AUTS2: variants seen among roughly 807,000 people sequenced by gnomAD.
The protein encoded by AUTS2 is autism susceptibility gene 2 protein.
In AUTS2, 17 loss-of-function variants were observed where a neutral mutation model predicts 112.4. The ratio of observed to expected loss-of-function variants is 0.15; its 90% confidence interval spans 0.10 to 0.23. The LOEUF (loss-of-function observed/expected upper bound fraction) is 0.23. Ranked by LOEUF, AUTS2 falls within the 10% of genes least tolerant of loss-of-function variation. The probability of loss-of-function intolerance (pLI) is 1.00; values close to 1 mark genes in which losing one functional copy is unlikely to be tolerated. For missense variants in AUTS2, 1,510 were observed against 1,701.6 expected, an observed-to-expected ratio of 0.89 and a Z score of 1.98; for synonymous variants, 751 against 702.7, an observed-to-expected ratio of 1.07 and a Z score of -1.09.
At position 70,117,117 on chromosome 7, in the gene AUTS2, GTTTTTT is replaced by G. The variant is rs60488343; in HGVS notation, c.523-1011_523-1006del. 3.0e-3 allele frequency among the ~76,000 whole-genome samples: 221 copies of G among 73,086 alleles called. 2 individuals carry two copies. The highest frequency in any genetic ancestry group is 0.012 in the African/African-American group (211 of 17,184). 47.9% of individuals were successfully genotyped at this position (73,086 alleles called of 152,430 possible). A position where few individuals can be genotyped will look rare whatever the true frequency, so the allele number is the denominator to read the frequency against. ...GAGATGACTTTTGTTTTTTTTTTTT[GTTTTTT>G]TTTGTTTTTTTTTGTTTTTTTTTTT... is the stretch of plus-strand genomic sequence containing the variant. On this transcript the variant is annotated intron_variant, in intron 2 of 18. Transcript: ENST00000342771.
chr7:69,942,812 T>TCAGC lies in AUTS2; in HGVS notation c.522+43317_522+43318insCCAG, dbSNP rs1562984573. On this transcript the variant is annotated intron_variant, in intron 2 of 18. Coordinates refer to ENST00000342771, the MANE Select transcript of AUTS2 (RefSeq NM_015570.4). ...GTTACGTGACTTGTGTCTAAAGCTA[T>TCAGC]CAGTCAGCTGGAGCTGTGAAAATCA... Among the ~76,000 whole-genome samples the TCAGC allele has an allele frequency of 3.3e-5, 5 of 152,374 alleles. No individual in the cohort carries two copies. The South Asian group carries it at 6.2e-4, about 19-fold the overall frequency.
intron 1 of AUTS2, among the ~76,000 whole-genome samples, chr7:69,701,393 G>C (rs754901772): frequency 2.0e-4 from 31 of 152,178 alleles, no homozygotes; most frequent in Non-Finnish European, 5.9e-5. Flanking sequence ...CATTCAGCCA[G>C]TATTTGAGTG....
At chr7:70,695,700 C>A (rs1341106882) in intron 5 of AUTS2, among the ~76,000 whole-genome samples, 1 of 145,618 alleles carries the variant, frequency 6.9e-6, no homozygotes, top group African/African-American at 2.4e-5. Context: ...TCCGCGTTCC[C>A]GCCTCCAATC....
At chr7:69,917,386 C>A (rs1271098676) in intron 2 of AUTS2, among the ~76,000 whole-genome samples, 1 of 144,808 alleles carries the variant, frequency 6.9e-6, no homozygotes, top group African/African-American at 2.8e-5. Context: ...TCCTACAAAT[C>A]TGAATTTTTT....
chr7:70,506,456 A>G (rs1244192316), intron 5 of AUTS2, among the ~76,000 whole-genome samples: 1 of 152,206 alleles, frequency 6.6e-6, no homozygotes, highest in African/African-American at 2.4e-5. Flanking sequence ...ATAATTCTAA[A>G]TCTGCAAGTG....
chr7:70,452,327 C>T (rs2131078912), intron 5 of AUTS2, among the ~76,000 whole-genome samples: 1 of 152,218 alleles, frequency 6.6e-6, no homozygotes, highest in South Asian at 2.1e-4. Flanking sequence ...GATGTGGTGG[C>T]AAGTGCCTGT....
chr7:70,705,168 T>C (rs953424531), intron 6 of AUTS2, among the ~76,000 whole-genome samples: 3 of 152,222 alleles, frequency 2.0e-5, no homozygotes, highest in Non-Finnish European at 2.9e-5. Flanking sequence ...ATATAAGAAT[T>C]CCTTCCTTTC....
chr7:70,079,677 T>G (rs1289235126), intron 2 of AUTS2, among the ~76,000 whole-genome samples: 1 of 152,140 alleles, frequency 6.6e-6, no homozygotes, highest in Non-Finnish European at 1.5e-5. Context: ...TGATGTGTTA[T>G]TGAGCCTCTT....
At chr7:70,195,355 T>C (rs1810117322) in intron 4 of AUTS2, among the ~76,000 whole-genome samples, 1 of 152,114 alleles carries the variant, frequency 6.6e-6, no homozygotes, top group South Asian at 2.1e-4. Flanking sequence ...TTAATATGAA[T>C]ACTGAATCTG....
At chr7:70,181,796 CT>C (rs35077931) in intron 4 of AUTS2, among the ~76,000 whole-genome samples, 2,731 of 110,142 alleles carry the variant, frequency 0.025, 50 homozygotes, top group African/African-American at 0.06. Flanking sequence ...GCTGAGCTAA[CT>C]TTTTTTTTTT....
At chr7:70,397,130 C>G (rs1248037406) in intron 4 of AUTS2, among the ~76,000 whole-genome samples, 5 of 151,060 alleles carry the variant, frequency 3.3e-5, no homozygotes, top group African/African-American at 1.2e-4. Context: ...ATGGCACGAT[C>G]TCGGCTCACT....
chr7:70,588,588 A>G (rs954088487), intron 5 of AUTS2, among the ~76,000 whole-genome samples: 7 of 152,194 alleles, frequency 4.6e-5, no homozygotes, highest in Non-Finnish European at 1.0e-4. Context: ...TATTAGAACA[A>G]TGGCGGAAGA....
chr7:69,710,174 G>T (rs778666243), intron 1 of AUTS2, among the ~76,000 whole-genome samples: 3 of 152,068 alleles, frequency 2.0e-5, no homozygotes, highest in Admixed American at 1.3e-4. Context: ...ATTATCTCTT[G>T]TATATACTTT....
rs118129483 is a variant in AUTS2 at position 70,392,734 on chromosome 7, T to C, written c.661-43018T>C. 2.2e-3 allele frequency among the ~76,000 whole-genome samples: 335 copies of C among 152,334 alleles called. 3 individuals are homozygous for C. In the East Asian group the frequency reaches 0.035, roughly 16 times the overall value. On this transcript the variant is annotated intron_variant, in intron 4 of 18. Coordinates refer to ENST00000342771, the MANE Select transcript of AUTS2 (RefSeq NM_015570.4). ...ACTATAGCAGGTCCTTAAGATAAGA[T>C]TCAGTTTGCCATTGGTACCGCTCTT...
At chr7:70,690,408 G>A (rs964189754) in intron 5 of AUTS2, among the ~76,000 whole-genome samples, 3 of 152,136 alleles carry the variant, frequency 2.0e-5, no homozygotes, top group East Asian at 1.9e-4. Context: ...CATCCATAAC[G>A]AAAGGTTCGA....
At chr7:69,756,748 T>C (rs1023959654) in intron 1 of AUTS2, among the ~76,000 whole-genome samples, 18 of 152,186 alleles carry the variant, frequency 1.2e-4, no homozygotes, top group African/African-American at 3.6e-4. Context: ...TCAGTGATGT[T>C]GTTGATGGTG....
rs1475551352 is a variant in AUTS2 at position 70,694,277 on chromosome 7, C to T, written c.691-4292C>T. 1 of 150,004 alleles carries T rather than the reference C, an allele frequency of 6.7e-6. No individual in the cohort carries two copies. Among genetic ancestry groups the T allele is most frequent in the African/African-American group, 2.4e-5 (1 of 41,068 alleles). The allele number at this position is 150,004 out of a possible 1,614,324, so 9.3% of individuals were successfully genotyped here. A position where few individuals can be genotyped will look rare whatever the true frequency, so the allele number is the denominator to read the frequency against. ...AGCCCCGGGCGCTCACCCGCCAGCCCGCAAGCTCCGGCCAGAGGCGCCGCC... is the reference window on the plus strand; with the variant it reads ...AGCCCCGGGCGCTCACCCGCCAGCCTGCAAGCTCCGGCCAGAGGCGCCGCC... On this transcript the variant is annotated intron_variant, in intron 5 of 18. Transcript: ENST00000342771. The surrounding 1 kb of genome is among the most constrained non-coding windows in gnomAD (Gnocchi z 4.1).
chr7:70,236,116 A>G, intron 4 of AUTS2, among the ~76,000 whole-genome samples: 1 of 152,188 alleles, frequency 6.6e-6, no homozygotes, highest in East Asian at 1.9e-4. Context: ...TGCCATACTC[A>G]CCACTTTCTC....
intron 2 of AUTS2, among the ~76,000 whole-genome samples, chr7:69,939,698 C>T (rs1242212898): frequency 1.3e-5 from 2 of 152,148 alleles, no homozygotes; most frequent in South Asian, 2.1e-4. Context: ...CTTGTATAAT[C>T]GTGGTTCCTA....
Sources: allele counts gnomAD v4.1 joint callset (sites outside exome capture counted in the v4.1 genomes callset), GRCh38; gene constraint gnomAD v4.1.1; non-coding constraint Gnocchi (gnomAD v3.1); transcripts MANE v1.5; gene names NCBI Gene and HGNC (gene_info 2026-07-23, HGNC 2026-07-21).